The following GANC variants were observed in gnomAD, a reference collection of about 807,000 sequenced individuals.
The protein encoded by GANC is neutral alpha-glucosidase C.
In GANC, 117 loss-of-function variants were observed where a neutral mutation model predicts 124.2. The observed-to-expected ratio is 0.94, with a 90% CI of 0.81 to 1.10. GANC has a LOEUF of 1.10. GANC is among the 50% of genes least tolerant of loss of function. GANC has a pLI of 0.00. For synonymous variants in GANC, 377 were observed against 376.8 expected (o/e 1.00, Z -0.01); for missense variants, 1,140 against 1,095.0 (o/e 1.04, Z -0.58).
chr15:42,344,718 C>T (rs955096440), intron 19 of GANC: 1 of 152,146 alleles, frequency 6.6e-6, no homozygotes, highest in Non-Finnish European at 1.5e-5. Flanking sequence ...CTAAGGTTCC[C>T]CTGCCAAGTA....
In GANC at chr15:42,327,386, A is replaced by G. The variant is rs757227624; in HGVS notation, c.1444A>G (p.Thr482Ala). Reference sequence around the variant, plus strand: ...AGGTCTCTCCTCTTACCTGGATTTCACCAATCCCAAGGTCAGAGAGTGGTA... The same window carrying G: ...AGGTCTCTCCTCTTACCTGGATTTCGCCAATCCCAAGGTCAGAGAGTGGTA... The part of the protein sequence containing the change: ...WPGLSSYLDF[T>A]NPKVREWYSS... Residue 482 changes from threonine (T) to alanine (A), a missense_variant, in exon 13 of 24, where the codon ACC becomes GCC. Physicochemically the swap from Thr to Ala is moderately conservative, Grantham distance 58 (BLOSUM62 0). Coordinates refer to ENST00000318010, the MANE Select transcript of GANC (RefSeq NM_198141.3). 1 of 1,612,918 alleles carries G rather than the reference A, an allele frequency of 6.2e-7. No individual in the cohort carries two copies. The highest frequency in any genetic ancestry group is 8.5e-7 in the Non-Finnish European group (1 of 1,179,388).
chr15:42,307,021 C>T (rs1257484663), intron 7 of GANC, among the ~76,000 whole-genome samples: 1 of 152,188 alleles, frequency 6.6e-6, no homozygotes, highest in Non-Finnish European at 1.5e-5. Context: ...CCATCATTCA[C>T]ATGGGTATCA....
chr15:42,351,499 A>T, intron 23 of GANC, 67 bp downstream of exon 23: 1 of 1,109,130 alleles, frequency 9.0e-7, no homozygotes, highest in Admixed American at 1.7e-5. Context: ...CAGTGAGATG[A>T]TTAGTCCCCA....
chr15:42,313,493 C>T (rs1050096363), intron 10 of GANC, among the ~76,000 whole-genome samples: 10 of 152,174 alleles, frequency 6.6e-5, no homozygotes, highest in Admixed American at 2.0e-4. Context: ...TGATATGGGT[C>T]TCTTATCCAG....
At chr15:42,296,409 G>A (rs988863463) in intron 5 of GANC, among the ~76,000 whole-genome samples, 4 of 151,972 alleles carry the variant, frequency 2.6e-5, no homozygotes, top group Admixed American at 1.3e-4. Context: ...GTTTTAAGAC[G>A]GAATTTCACT....
rs1356118175 is a variant in GANC at position 42,333,677 on chromosome 15, T to C, written c.1741+3005T>C. Among the ~76,000 whole-genome samples the C allele has an allele frequency of 4.6e-5, 7 of 152,156 alleles. No individual in the cohort carries two copies. In the East Asian group the frequency reaches 1.2e-3, roughly 25 times the overall value. On this transcript the variant is annotated intron_variant, in intron 15 of 23. Coordinates refer to ENST00000318010, the MANE Select transcript of GANC (RefSeq NM_198141.3). ...TACTTCCCTCATCTATAAAATTGAG[T>C]TTATAATAGTGTTTATCTGATAGGA...
In GANC at chr15:42,353,600, C is replaced by G. The variant is rs2052479714; in HGVS notation, c.*1461C>G. On this transcript the variant is annotated 3_prime_UTR_variant, in exon 24 of 24. Transcript: ENST00000318010. ...ACAGAGCACTATTATACCTGACTTTCAGTAACTGTTAGCTGTGATTAGTTA... is the reference window on the plus strand; with the variant it reads ...ACAGAGCACTATTATACCTGACTTTGAGTAACTGTTAGCTGTGATTAGTTA... The G allele has an allele frequency of 1.0e-6, 1 of 985,598 alleles. No individual in the cohort carries two copies. The highest frequency in any genetic ancestry group is 1.7e-5 in the African/African-American group (1 of 57,216). The allele number at this position is 985,598 out of a possible 1,614,324, so 61.1% of individuals were successfully genotyped here.
Position 42,352,182 on chromosome 15 carries a change from C to G in GANC, c.*43C>G. 5 of 1,606,866 alleles carry G rather than the reference C, an allele frequency of 3.1e-6. No individual in the cohort carries two copies. The highest frequency in any genetic ancestry group is 3.4e-6 in the Non-Finnish European group (4 of 1,175,806). On this transcript the variant is annotated 3_prime_UTR_variant, in exon 24 of 24. Coordinates refer to ENST00000318010, the MANE Select transcript of GANC (RefSeq NM_198141.3). ...TGATGTGAGCAGGGACCTGCCTGCCCCTTTCAACCTTTCCCCTCACCTTTT... is the reference window on the plus strand; with the variant it reads ...TGATGTGAGCAGGGACCTGCCTGCCGCTTTCAACCTTTCCCCTCACCTTTT...
At chr15:42,341,321 CTCCTCTAA>C (rs1286673855) in intron 18 of GANC, among the ~76,000 whole-genome samples, 1 of 152,064 alleles carries the variant, frequency 6.6e-6, no homozygotes, top group African/African-American at 2.4e-5. Flanking sequence ...TCTGGGTTCA[CTCCTCTAA>C]TCCTGTGAGA....
intron 10 of GANC, among the ~76,000 whole-genome samples, chr15:42,316,580 A>G (rs1156391658): frequency 2.6e-5 from 4 of 152,212 alleles, no homozygotes; most frequent in Admixed American, 1.3e-4. Context: ...TTCTACCGCT[A>G]TCTACTATGA....
intron 18 of GANC, among the ~76,000 whole-genome samples, chr15:42,342,652 T>G (rs780894809): frequency 2.0e-5 from 3 of 151,150 alleles, no homozygotes; most frequent in Non-Finnish European, 4.4e-5. Flanking sequence ...AGCAAGAGGG[T>G]CTGAGCACCC....
intron 15 of GANC, among the ~76,000 whole-genome samples, chr15:42,334,413 C>T (rs982391084): frequency 2.6e-5 from 4 of 152,122 alleles, no homozygotes; most frequent in African/African-American, 7.2e-5. Context: ...CTGCCCTCCT[C>T]GGCTTCACAA....
At position 42,338,341 on chromosome 15, in the gene GANC, C is replaced by T. The variant is rs115796238; in HGVS notation, c.1742-48C>T. 2.0e-3 allele frequency: 2,669 copies of T among 1,311,290 alleles called. 36 individuals carry two copies. The African/African-American group carries it at 0.033, about 16-fold the overall frequency. 81.2% of individuals were successfully genotyped at this position (1,311,290 alleles called of 1,614,324 possible). A position where few individuals can be genotyped will look rare whatever the true frequency, so the allele number is the denominator to read the frequency against. ...TAAGGAATCTACATAGGAAATTGAA[C>T]GCATGGGTTGATTTGTGATTTTAAT... On this transcript the variant is annotated intron_variant, in intron 15 of 23. Transcript: ENST00000318010.
intron 13 of GANC, 87 bp from the exon 14 acceptor site, chr15:42,329,217 CAT>C: frequency 7.6e-7 from 1 of 1,308,388 alleles, no homozygotes; most frequent in African/African-American, 1.5e-5. Context: ...AGATAATAAA[CAT>C]AATTTTTAAA....
chr15:42,287,815 T>A lies in GANC; in HGVS notation c.326T>A (p.Val109Glu). 1 of 1,610,194 alleles carries A rather than the reference T, an allele frequency of 6.2e-7. No individual in the cohort carries two copies. Among genetic ancestry groups the A allele is most frequent in the Non-Finnish European group, 8.5e-7 (1 of 1,178,798 alleles). ...GTCCTCACAAGCAAGCCAAGCACTG[T>A]AAGGTAAGCCAAGGAGCGAGGTATT... Reference protein sequence around the residue: ...PDVLTSKPSTVRLISCSGDTG... With the variant: ...PDVLTSKPSTERLISCSGDTG... Residue 109 changes from valine to glutamate, a missense_variant, in exon 4 of 24, where the codon GTA becomes GAA. Transcript: ENST00000318010.
intron 18 of GANC, among the ~76,000 whole-genome samples, chr15:42,342,723 A>G (rs2052336458): frequency 6.6e-6 from 1 of 152,242 alleles, no homozygotes; most frequent in Non-Finnish European, 1.5e-5. Context: ...CACTGACAGC[A>G]AACAGTAAAG....
chr15:42,274,460 T>C lies in GANC; in HGVS notation c.-22T>C. 1 of 1,609,382 alleles carries C rather than the reference T, an allele frequency of 6.2e-7. No individual in the cohort carries two copies. Among genetic ancestry groups the C allele is most frequent in the Non-Finnish European group, 8.5e-7 (1 of 1,178,018 alleles). The stretch of plus-strand genomic sequence containing the variant: ...GGCCCTTGTCCTGAGAGCTGGGAGC[T>C]GGTCGGAGTGACAGAGAAGCCATGG... On this transcript the variant is annotated 5_prime_UTR_variant, in exon 1 of 24. Transcript: ENST00000318010.
In GANC at chr15:42,319,237, T is replaced by C. The variant is rs929886105; in HGVS notation, c.1058-2548T>C. On this transcript the variant is annotated intron_variant, in intron 10 of 23. Transcript: ENST00000318010. ...ATTATCCTGAAATGTGTACATCCTA[T>C]TTTTTTCAAGTAGCAAATTTGCTGG... Among the ~76,000 whole-genome samples, 10 of 152,170 alleles carry C rather than the reference T, an allele frequency of 6.6e-5. 1 individual carries two copies. Among genetic ancestry groups the C allele is most frequent in the Admixed American group, 5.9e-4 (9 of 15,272 alleles).
chr15:42,336,918 C>G (rs2052287741), intron 15 of GANC, among the ~76,000 whole-genome samples: 1 of 152,136 alleles, frequency 6.6e-6, no homozygotes, highest in Non-Finnish European at 1.5e-5. Flanking sequence ...AAAAGCATAT[C>G]AAAACCACAA....
Sources: allele counts gnomAD v4.1 joint callset (sites outside exome capture counted in the v4.1 genomes callset), GRCh38; gene constraint gnomAD v4.1.1; transcripts MANE v1.5; gene names NCBI Gene and HGNC (gene_info 2026-07-23, HGNC 2026-07-21).